The following VPS26C variants were observed in gnomAD, a reference collection of about 807,000 sequenced individuals.
The protein encoded by VPS26C is VPS26 endosomal protein sorting factor C, also known as vacuolar protein sorting-associated protein 26C.
Under a neutral mutation model 30.6 loss-of-function variants are expected in VPS26C, and 19 were observed. The observed-to-expected ratio is 0.62, with a 90% CI of 0.43 to 0.91. VPS26C has a LOEUF of 0.91. VPS26C is among the 40% of genes least tolerant of loss of function. The pLI is 0.00. For synonymous variants in VPS26C, 132 were observed against 151.5 expected (o/e 0.87, Z 0.95); for missense variants, 318 against 385.1 (o/e 0.83, Z 1.46).
At chr21:37,243,417 TG>T (rs2086107599) in intron 1 of VPS26C, among the ~76,000 whole-genome samples, 2 of 152,168 alleles carry the variant, frequency 1.3e-5, no homozygotes, top group South Asian at 4.2e-4. Context: ...GCGCCTGGCC[TG>T]GGAAAGGCCA....
intron 1 of VPS26C, among the ~76,000 whole-genome samples, chr21:37,265,910 C>CTTTTTTTTTTTTTTTTT (rs59649054): frequency 1.3e-5 from 1 of 77,224 alleles, no homozygotes; most frequent in Non-Finnish European, 2.3e-5. Context: ...AGCTTTTTCT[C>CTTTTTTTTTTTTTTTTT]TTTTTTTTTT....
chr21:37,258,508 G>C (rs1302613594), intron 1 of VPS26C, among the ~76,000 whole-genome samples: 2 of 152,226 alleles, frequency 1.3e-5, no homozygotes, highest in Non-Finnish European at 2.9e-5. Flanking sequence ...TGGAAGCTAC[G>C]TGTCCTCAGT....
At chr21:37,235,651 T>G (rs2086012363) in intron 3 of VPS26C, among the ~76,000 whole-genome samples, 1 of 151,572 alleles carries the variant, frequency 6.6e-6, no homozygotes, top group South Asian at 2.1e-4. Context: ...AAAGAAGAAG[T>G]AGATGCACAA....
chr21:37,232,365 AG>A lies in VPS26C; in HGVS notation c.507+11del. The A allele has an allele frequency of 6.2e-7, 1 of 1,613,244 alleles. No homozygotes were observed. The highest frequency in any genetic ancestry group is 8.5e-7 in the Non-Finnish European group (1 of 1,179,294). ...AGATACCCACGGCATTCGCCTGTGC[AG>A]GACGTCTTACCTCTTTGACGTTCTG... On this transcript the variant is annotated intron_variant, in intron 5 of 7. Coordinates refer to ENST00000309117, the MANE Select transcript of VPS26C (RefSeq NM_006052.2).
rs1042556034 is a variant in VPS26C, at chr21:37,257,904, G to A, written c.57+9334C>T. The stretch of plus-strand genomic sequence containing the variant: ...GGCACCAAGCGGGGAGCGGGGCCAC[G>A]AGGCAGGGGACAGTGAAGCACCATG... On this transcript the variant is annotated intron_variant, in intron 1 of 7. Transcript: ENST00000309117. This position sits in a 1 kb window ranked among gnomAD's most constrained non-coding sequence, Gnocchi z 4.2. Among the ~76,000 whole-genome samples the A allele has an allele frequency of 3.3e-5, 5 of 151,760 alleles. No individual in the cohort carries two copies. The South Asian group carries it at 6.2e-4, about 19-fold the overall frequency.
chr21:37,227,365 C>A (rs977345856), intron 7 of VPS26C: 6 of 391,654 alleles, frequency 1.5e-5, no homozygotes, highest in African/African-American at 1.0e-4. Flanking sequence ...GCGTCACCTG[C>A]CCATGTCTAC....
chr21:37,252,678 C>T (rs1224687545), intron 1 of VPS26C, among the ~76,000 whole-genome samples: 1 of 152,198 alleles, frequency 6.6e-6, no homozygotes, highest in African/African-American at 2.4e-5. Context: ...ATCACCCAAA[C>T]GTCTTCTACA....
intron 1 of VPS26C, among the ~76,000 whole-genome samples, chr21:37,251,363 A>T (rs2086191989): frequency 6.6e-6 from 1 of 152,236 alleles, no homozygotes; most frequent in African/African-American, 2.4e-5. Flanking sequence ...CATTTACACT[A>T]GTACATATGG....
chr21:37,245,720 G>T (rs1191798205), intron 1 of VPS26C, among the ~76,000 whole-genome samples: 3 of 152,078 alleles, frequency 2.0e-5, no homozygotes, highest in African/African-American at 4.8e-5. Flanking sequence ...TCATTCACCA[G>T]AAGAAAAATC....
intron 2 of VPS26C, among the ~76,000 whole-genome samples, chr21:37,239,924 T>C (rs551443341): frequency 6.6e-6 from 1 of 152,272 alleles, no homozygotes; most frequent in East Asian, 1.9e-4. Flanking sequence ...CTGAAATTAA[T>C]ACATTTATAG....
chr21:37,229,894 T>A (rs1258208645), intron 5 of VPS26C, among the ~76,000 whole-genome samples: 1 of 152,166 alleles, frequency 6.6e-6, no homozygotes, highest in East Asian at 1.9e-4. Flanking sequence ...TATAAACATT[T>A]TTAGAGACAG....
chr21:37,263,166 T>C (rs1275980265), intron 1 of VPS26C, among the ~76,000 whole-genome samples: 1 of 152,208 alleles, frequency 6.6e-6, no homozygotes, highest in Non-Finnish European at 1.5e-5. Context: ...AAAGGTCAAT[T>C]TTAAATCTAA....
intron 1 of VPS26C, among the ~76,000 whole-genome samples, chr21:37,256,916 G>C (rs1265551215): frequency 6.6e-6 from 1 of 152,070 alleles, no homozygotes; most frequent in Non-Finnish European, 1.5e-5. Context: ...CCAGAAGATC[G>C]CTTGAGCCCA....
rs1473729858 is a variant in VPS26C at position 37,264,108 on chromosome 21, CAT to C, written c.57+3128_57+3129del. On this transcript the variant is annotated intron_variant, in intron 1 of 7. Transcript: ENST00000309117. ...GTCTAGCACATGAGTCATGGGCACA[CAT>C]GTCAGAGATTTTTGTCAATTGATTA... Among the ~76,000 whole-genome samples, 26 of 152,346 alleles carry C rather than the reference CAT, an allele frequency of 1.7e-4. No individual in the cohort carries two copies. In the South Asian group the frequency reaches 1.9e-3, roughly 11 times the overall value.
At chr21:37,250,244 G>C (rs2086178129) in intron 1 of VPS26C, among the ~76,000 whole-genome samples, 1 of 151,930 alleles carries the variant, frequency 6.6e-6, no homozygotes. Context: ...GGTGGAGGTT[G>C]CAGTGAGCTG....
chr21:37,249,812 T>G (rs1418715833), intron 1 of VPS26C, among the ~76,000 whole-genome samples: 1 of 152,212 alleles, frequency 6.6e-6, no homozygotes, highest in East Asian at 1.9e-4. Flanking sequence ...TGTGAGATAT[T>G]ACAACGCTGC....
At chr21:37,234,779 A>G (rs2086002405) in intron 3 of VPS26C, among the ~76,000 whole-genome samples, 1 of 152,204 alleles carries the variant, frequency 6.6e-6, no homozygotes, top group Non-Finnish European at 1.5e-5. Context: ...AGAGTAAAAC[A>G]TTGTTTAAAA....
In VPS26C at chr21:37,233,574, T is replaced by G; in HGVS notation, c.352-132A>C. ...GTACAATCAGTGCATTATAGAAAAT[T>G]AACATACATAATATAATACATAATA... On this transcript the variant is annotated intron_variant, in intron 3 of 7. Coordinates refer to ENST00000309117, the MANE Select transcript of VPS26C (RefSeq NM_006052.2). This position sits in a 1 kb window ranked among gnomAD's most constrained non-coding sequence, Gnocchi z 5.2. 1 of 640,262 alleles carries G rather than the reference T, an allele frequency of 1.6e-6. No homozygotes were observed. The highest frequency in any genetic ancestry group is 2.8e-5 in the East Asian group (1 of 36,348). 39.7% of individuals were successfully genotyped at this position (640,262 alleles called of 1,614,324 possible). A position where few individuals can be genotyped will look rare whatever the true frequency, so the allele number is the denominator to read the frequency against.
chr21:37,242,446 T>G (rs1309631022), intron 1 of VPS26C, among the ~76,000 whole-genome samples: 1 of 151,764 alleles, frequency 6.6e-6, no homozygotes. Flanking sequence ...ATAAAAAAAT[T>G]TTAAAAATTA....
Sources: gnomAD v4.1 joint callset for allele counts (sites outside exome capture counted in the v4.1 genomes callset) on GRCh38, gnomAD v4.1.1 for gene constraint, Gnocchi (gnomAD v3.1) non-coding constraint, MANE v1.5 for transcripts, NCBI Gene and HGNC (gene_info 2026-07-23, HGNC 2026-07-21) for gene names.